The following ABCC3 variants were observed in gnomAD, a reference collection of about 807,000 sequenced individuals.
The protein encoded by ABCC3 is ATP-binding cassette sub-family C member 3.
ABCC3 carries 121 observed loss-of-function variants against 165.3 expected under a neutral mutation model. The observed-to-expected ratio is 0.73, with a 90% CI of 0.63 to 0.85. The LOEUF (loss-of-function observed/expected upper bound fraction) is 0.85. Among genes scored for constraint, ABCC3 ranks in the 40% least tolerant of loss-of-function variants. ABCC3 has a pLI of 0.00. For missense variants in ABCC3, 1,869 were observed against 1,964.1 expected (o/e 0.95, Z 0.92); for synonymous variants, 733 against 810.1 (o/e 0.90, Z 1.62).
At chr17:50,685,039 T>G (rs954678852) in intron 29 of ABCC3, among the ~76,000 whole-genome samples, 164 bp downstream of exon 29, 4 of 152,184 alleles carry the variant, frequency 2.6e-5, no homozygotes, top group Admixed American at 6.5e-5. Flanking sequence ...CATGGTGTAC[T>G]GCCCCGCCGA....
chr17:50,657,666 C>T (rs1210255304), intron 4 of ABCC3, among the ~76,000 whole-genome samples: 3 of 152,300 alleles, frequency 2.0e-5, no homozygotes, highest in African/African-American at 7.2e-5. Context: ...TCCCATTTCT[C>T]CATCTCAGCG....
chr17:50,676,628 T>C (rs1967819329), intron 23 of ABCC3, 40 bp downstream of exon 23: 1 of 1,529,668 alleles, frequency 6.5e-7, no homozygotes, highest in African/African-American at 1.4e-5. Context: ...CGTGGTGTTA[T>C]TGGGGCGGGG....
At chr17:50,679,942 G>A (rs774315231) in intron 26 of ABCC3, 43 bp downstream of exon 26, 1 of 1,538,800 alleles carries the variant, frequency 6.5e-7, no homozygotes, top group South Asian at 1.1e-5. Flanking sequence ...ATCTGAAGTA[G>A]CTGGGGAAGA....
intron 1 of ABCC3, among the ~76,000 whole-genome samples, chr17:50,642,837 G>C (rs1567824206): frequency 6.6e-6 from 1 of 152,198 alleles, no homozygotes. Context: ...TCCTCAACAT[G>C]CACACTCCCT....
chr17:50,672,054 G>A (rs1363864497), intron 17 of ABCC3, among the ~76,000 whole-genome samples: 4 of 151,724 alleles, frequency 2.6e-5, no homozygotes, highest in African/African-American at 4.8e-5. Context: ...TAAAGCCACC[G>A]GTCCCACTCC....
chr17:50,673,922 T>C (rs1412456209), intron 19 of ABCC3, among the ~76,000 whole-genome samples: 1 of 14,474 alleles, frequency 6.9e-5, no homozygotes. Flanking sequence ...CTTTCTTTCT[T>C]TCTTTCTTTC....
intron 26 of ABCC3, among the ~76,000 whole-genome samples, chr17:50,681,952 C>A (rs1181164808): frequency 1.3e-5 from 2 of 152,158 alleles, no homozygotes; most frequent in Non-Finnish European, 2.9e-5. Context: ...TGCTTCATGT[C>A]TAGCAGCCCA....
intron 1 of ABCC3, among the ~76,000 whole-genome samples, chr17:50,636,517 G>A (rs1467821931): frequency 1.3e-5 from 2 of 152,206 alleles, no homozygotes; most frequent in South Asian, 2.1e-4. Context: ...GCATGGACAG[G>A]CCACTTGCCA....
intron 1 of ABCC3, among the ~76,000 whole-genome samples, chr17:50,640,078 T>C (rs574939249): frequency 6.6e-5 from 10 of 152,296 alleles, no homozygotes; most frequent in African/African-American, 2.2e-4. Context: ...TTCTCCTAAC[T>C]GGATATTCAG....
At chr17:50,687,446 G>T (rs1968042135) in intron 29 of ABCC3, 90 bp from the exon 30 acceptor site, 1 of 1,313,120 alleles carries the variant, frequency 7.6e-7, no homozygotes, top group Admixed American at 1.9e-5. Context: ...ACCAGTCCTG[G>T]GCCACTGAGG....
intron 1 of ABCC3, among the ~76,000 whole-genome samples, chr17:50,645,370 TCAAAA>T (rs1966984714): frequency 1.0e-4 from 2 of 19,904 alleles, no homozygotes; most frequent in Admixed American, 7.8e-4. Flanking sequence ...CAAGATTCCA[TCAAAA>T]AAAAAAAAAA....
intron 19 of ABCC3, 59 bp from the exon 20 acceptor site, chr17:50,675,303 C>A (rs1344632533): frequency 1.6e-6 from 2 of 1,270,886 alleles, no homozygotes; most frequent in Non-Finnish European, 1.1e-6. Flanking sequence ...ATGGGAGATA[C>A]CAGGGGCTTG....
At chr17:50,658,293 T>C (rs911525909) in intron 5 of ABCC3, 86 bp downstream of exon 5, 5 of 1,603,166 alleles carry the variant, frequency 3.1e-6, no homozygotes, top group Non-Finnish European at 4.3e-6. Context: ...CTCCAGTTCC[T>C]TTCAAAGTGG....
At chr17:50,684,295 C>G (rs1170413235) in intron 28 of ABCC3, among the ~76,000 whole-genome samples, 188 bp downstream of exon 28, 6 of 152,184 alleles carry the variant, frequency 3.9e-5, no homozygotes, top group African/African-American at 1.4e-4. Context: ...CTCAGACTTA[C>G]CCTGCCCAGT....
chr17:50,659,062 G>A, intron 6 of ABCC3, 175 bp from the exon 7 acceptor site: 1 of 682,328 alleles, frequency 1.5e-6, no homozygotes, highest in East Asian at 2.9e-5. Context: ...GGGAGAGCCA[G>A]TGACCTCAAG....
intron 1 of ABCC3, among the ~76,000 whole-genome samples, chr17:50,646,609 G>A (rs1486019514): frequency 1.3e-5 from 2 of 152,212 alleles, no homozygotes; most frequent in African/African-American, 2.4e-5. Flanking sequence ...GCACCAGGCA[G>A]GGGAATCAGC....
chr17:50,667,013 A>T (rs1255313230), intron 11 of ABCC3, among the ~76,000 whole-genome samples: 3 of 152,142 alleles, frequency 2.0e-5, no homozygotes, highest in Non-Finnish European at 4.4e-5. Flanking sequence ...TGAGGCCAGG[A>T]GTTTGAAATC....
chr17:50,665,764 C>G (rs1421740426), intron 11 of ABCC3, among the ~76,000 whole-genome samples: 4 of 150,942 alleles, frequency 2.7e-5, no homozygotes, highest in African/African-American at 9.7e-5. Context: ...TGCCACCACA[C>G]CCGGCTTATT....
intron 30 of ABCC3, among the ~76,000 whole-genome samples, chr17:50,689,419 G>C (rs1216213770): frequency 6.6e-6 from 1 of 152,214 alleles, no homozygotes; most frequent in Non-Finnish European, 1.5e-5. Context: ...TGACTCAGAA[G>C]CCTCACGGGA....
Sources: gnomAD v4.1 joint callset for allele counts (sites outside exome capture counted in the v4.1 genomes callset) on GRCh38, gnomAD v4.1.1 for gene constraint, MANE v1.5 for transcripts, NCBI Gene and HGNC (gene_info 2026-07-23, HGNC 2026-07-21) for gene names.